The following KLF13 variants were observed in gnomAD, a reference collection of about 807,000 sequenced individuals.
The protein encoded by KLF13 is Krueppel-like factor 13.
A neutral mutation model predicts 16.7 loss-of-function variants in KLF13; 8 were observed. That is an observed-to-expected ratio of 0.48 (90% CI 0.28 to 0.87). The LOEUF (loss-of-function observed/expected upper bound fraction) is 0.87. KLF13 is among the 40% of genes least tolerant of loss of function. KLF13 has a pLI of 0.10. For synonymous variants in KLF13, 245 were observed against 208.4 expected (o/e 1.18, Z -1.51); for missense variants, 447 against 452.2 (o/e 0.99, Z 0.10).
intron 1 of KLF13, among the ~76,000 whole-genome samples, chr15:31,343,422 C>A (rs1020439107): frequency 6.6e-6 from 1 of 152,228 alleles, no homozygotes; most frequent in South Asian, 2.1e-4. Flanking sequence ...GTCTGCACAC[C>A]TCCCACCAGG....
upstream of KLF13, among the ~76,000 whole-genome samples, chr15:31,387,986 C>T (rs764380021): frequency 2.0e-4 from 31 of 152,274 alleles, no homozygotes; most frequent in Middle Eastern, 3.4e-3. Context: ...CTGCTTCAGC[C>T]GGAGAGGAGA....
At chr15:31,392,229 T>C (rs1318920546), upstream of KLF13, among the ~76,000 whole-genome samples, 1 of 152,244 alleles carries the variant, frequency 6.6e-6, no homozygotes, top group African/African-American at 2.4e-5. Context: ...GATGCTGTGG[T>C]CCGGGAGAGA....
intron 1 of KLF13, among the ~76,000 whole-genome samples, chr15:31,357,395 G>A (rs1315886394): frequency 6.6e-6 from 1 of 152,236 alleles, no homozygotes; most frequent in Admixed American, 6.5e-5. Flanking sequence ...GATGTCTGGT[G>A]ACACGGCCCA....
At chr15:31,423,132 CGTATACGTATACGTATATATACGTATAT>C (rs2040356191) in intron 1 of KLF13, among the ~76,000 whole-genome samples, 3 of 50,828 alleles carry the variant, frequency 5.9e-5, no homozygotes, top group Non-Finnish European at 1.1e-4. Context: ...CGTATATATA[CGTATACGTATACGTATATATACGTATAT>C]ATATGTATAT....
chr15:31,419,391 A>C (rs922434795), intron 1 of KLF13, among the ~76,000 whole-genome samples: 3 of 152,242 alleles, frequency 2.0e-5, no homozygotes, highest in Non-Finnish European at 4.4e-5. Context: ...GTGATACAAG[A>C]GTACACAGAT....
At chr15:31,407,540 T>A (rs371756222), downstream of KLF13, among the ~76,000 whole-genome samples, 23 of 152,320 alleles carry the variant, frequency 1.5e-4, 2 homozygotes, top group Admixed American at 9.1e-4. Context: ...GCAAAAATAA[T>A]GTTTTATGTA....
At chr15:31,400,624 A>G (rs1444574062) in intron 2 of KLF13, among the ~76,000 whole-genome samples, 2 of 151,682 alleles carry the variant, frequency 1.3e-5, no homozygotes, top group Non-Finnish European at 2.9e-5. Flanking sequence ...GGAAATGGGG[A>G]GCCTTGGGGC....
intron 1 of KLF13, among the ~76,000 whole-genome samples, chr15:31,429,648 G>T (rs1035193413): frequency 1.3e-5 from 2 of 152,062 alleles, no homozygotes; most frequent in African/African-American, 4.8e-5. Flanking sequence ...ATCTGTAGAA[G>T]AAAATACAGG....
downstream of KLF13, among the ~76,000 whole-genome samples, chr15:31,380,207 G>A (rs1361570374): frequency 6.6e-6 from 1 of 152,158 alleles, no homozygotes; most frequent in Non-Finnish European, 1.5e-5. Flanking sequence ...CAGGAGAATC[G>A]TTTGAACCCG....
intron 1 of KLF13, among the ~76,000 whole-genome samples, chr15:31,336,640 A>G (rs1566803674): frequency 6.6e-6 from 1 of 152,206 alleles, no homozygotes; most frequent in Non-Finnish European, 1.5e-5. Flanking sequence ...TTGATGGCAG[A>G]GCATGAATAG....
At chr15:31,434,382 G>A (rs1265772357) in intron 1 of KLF13, among the ~76,000 whole-genome samples, 1 of 152,166 alleles carries the variant, frequency 6.6e-6, no homozygotes, top group African/African-American at 2.4e-5. Context: ...TCTGGGGATG[G>A]GCAGGCCTTT....
At chr15:31,423,167 A>ATATATATG (rs2040363481) in intron 1 of KLF13, among the ~76,000 whole-genome samples, 1 of 107,286 alleles carries the variant, frequency 9.3e-6, no homozygotes, top group African/African-American at 5.8e-5. Context: ...ATATATATGT[A>ATATATATG]TATATATACA....
intron 1 of KLF13, among the ~76,000 whole-genome samples, chr15:31,385,831 A>G (rs1255824239): frequency 5.3e-5 from 8 of 152,222 alleles, no homozygotes. Flanking sequence ...CAGGTCTCTC[A>G]CTTTAAATCA....
downstream of KLF13, among the ~76,000 whole-genome samples, chr15:31,408,647 T>A (rs2040156690): frequency 6.6e-6 from 1 of 152,200 alleles, no homozygotes; most frequent in South Asian, 2.1e-4. Context: ...ATTATTTACC[T>A]CTGTCACTAC....
chr15:31,398,503 AT>A (rs2039987457), intron 2 of KLF13, among the ~76,000 whole-genome samples: 1 of 152,224 alleles, frequency 6.6e-6, no homozygotes, highest in East Asian at 1.9e-4. Context: ...GCCAGCGCCT[AT>A]TTCAGGGGCA....
chr15:31,343,805 T>C (rs1272105029), intron 1 of KLF13, among the ~76,000 whole-genome samples: 2 of 152,174 alleles, frequency 1.3e-5, no homozygotes, highest in Non-Finnish European at 2.9e-5. Context: ...CATGACTCCA[T>C]GGGGAAGGTC....
chr15:31,391,734 G>A (rs2039873858), upstream of KLF13, among the ~76,000 whole-genome samples: 1 of 152,018 alleles, frequency 6.6e-6, no homozygotes, highest in Non-Finnish European at 1.5e-5. Flanking sequence ...GCTGTGTGGG[G>A]CTGTGTGGGC....
At chr15:31,397,021 G>A (rs1486749203) in intron 2 of KLF13, among the ~76,000 whole-genome samples, 2 of 152,062 alleles carry the variant, frequency 1.3e-5, no homozygotes, top group African/African-American at 4.8e-5. Context: ...TTTTGCAGTG[G>A]TGGTTTCAAC....
chr15:31,358,407 C>T (rs964940118), intron 1 of KLF13, among the ~76,000 whole-genome samples: 1 of 152,252 alleles, frequency 6.6e-6, no homozygotes, highest in Admixed American at 6.5e-5. Context: ...AGTTGCTCCA[C>T]CAGCATTTAG....
Sources: allele counts gnomAD v4.1 joint callset (sites outside exome capture counted in the v4.1 genomes callset), GRCh38; gene constraint gnomAD v4.1.1; transcripts MANE v1.5; gene names NCBI Gene and HGNC (gene_info 2026-07-23, HGNC 2026-07-21).